BBOX1: variants seen among roughly 807,000 people sequenced by gnomAD.
BBOX1 encodes gamma-butyrobetaine dioxygenase.
Under a neutral mutation model 41.6 loss-of-function variants are expected in BBOX1, and 35 were observed. That is an observed-to-expected ratio of 0.84 (90% CI 0.64 to 1.11). The LOEUF is 1.11. Among genes scored for constraint, BBOX1 ranks in the 50% most tolerant of loss-of-function variants. The probability of loss-of-function intolerance (pLI) is 0.00; values close to 1 mark genes in which losing one functional copy is unlikely to be tolerated. For missense variants in BBOX1, 458 were observed against 460.6 expected (o/e 0.99, Z 0.05); for synonymous variants, 163 against 154.7 (o/e 1.05, Z -0.40).
chr11:27,089,867 C>A (rs1018671069), intron 4 of BBOX1, among the ~76,000 whole-genome samples: 5 of 151,948 alleles, frequency 3.3e-5, no homozygotes, highest in African/African-American at 1.2e-4. Context: ...ACCCAAATGA[C>A]CTTTCTAGTT....
chr11:27,054,935 T>C (rs1360919949), intron 2 of BBOX1, among the ~76,000 whole-genome samples: 1 of 152,226 alleles, frequency 6.6e-6, no homozygotes, highest in African/African-American at 2.4e-5. Context: ...AAAGACGAGT[T>C]TACTAATTTA....
At chr11:27,102,627 T>G (rs1858703120) in intron 5 of BBOX1, among the ~76,000 whole-genome samples, 3 of 152,040 alleles carry the variant, frequency 2.0e-5, no homozygotes, top group Admixed American at 2.0e-4. Context: ...TTTCCTCCCC[T>G]ACAATTTAAC....
At chr11:27,047,366 T>C (rs117017935) in intron 2 of BBOX1, 1,723 of 152,342 alleles carry the variant, frequency 0.011, 19 homozygotes, top group South Asian at 0.025. Flanking sequence ...AACAGCAGTC[T>C]GAAATGTAAT....
chr11:27,121,384 G>T (rs1340686640), intron 7 of BBOX1, among the ~76,000 whole-genome samples: 1 of 152,176 alleles, frequency 6.6e-6, no homozygotes, highest in African/African-American at 2.4e-5. Context: ...GCAAGATCCT[G>T]ATCAAAGGAA....
At chr11:27,080,279 C>T (rs772501640) in intron 4 of BBOX1, among the ~76,000 whole-genome samples, 1 of 152,022 alleles carries the variant, frequency 6.6e-6, no homozygotes, top group African/African-American at 2.4e-5. Flanking sequence ...TATTTTCCTC[C>T]TCTTCTATGT....
chr11:27,064,163 T>C (rs1290579430), intron 4 of BBOX1, among the ~76,000 whole-genome samples: 1 of 152,110 alleles, frequency 6.6e-6, no homozygotes, highest in Non-Finnish European at 1.5e-5. Flanking sequence ...TCACTATTGT[T>C]TGGTAATTAT....
At position 27,108,204 on chromosome 11, in the gene BBOX1, G is replaced by A. The variant is rs190444907; in HGVS notation, c.534-7248G>A. ...GACCCCCATCCCTGTAGAGGCCAGT[G>A]AATGTCAAAGAAAAGATCTGTTCTC... On this transcript the variant is annotated intron_variant, in intron 5 of 8. Coordinates refer to ENST00000263182, the MANE Select transcript of BBOX1 (RefSeq NM_003986.3). Among the ~76,000 whole-genome samples, 6 of 152,182 alleles carry A rather than the reference G, an allele frequency of 3.9e-5. No homozygotes were observed. In the East Asian group the frequency reaches 1.2e-3, roughly 30 times the overall value.
chr11:27,054,889 C>T (rs1279795118), intron 2 of BBOX1, among the ~76,000 whole-genome samples: 1 of 152,156 alleles, frequency 6.6e-6, no homozygotes, highest in African/African-American at 2.4e-5. Context: ...TTACAGTGGT[C>T]TTTAAGTAAA....
chr11:27,125,176 A>G (rs1859607839), intron 7 of BBOX1, among the ~76,000 whole-genome samples: 1 of 152,168 alleles, frequency 6.6e-6, no homozygotes, highest in African/African-American at 2.4e-5. Context: ...TCCCACCTGT[A>G]AACTAAGGAT....
At chr11:27,083,762 G>A (rs72878440) in intron 4 of BBOX1, among the ~76,000 whole-genome samples, 8,048 of 152,206 alleles carry the variant, frequency 0.053, 340 homozygotes, top group Non-Finnish European at 0.077. Context: ...AACAAGAGAA[G>A]TGATCATATC....
Position 27,107,041 on chromosome 11 carries a change from G to A in BBOX1, c.534-8411G>A, listed in dbSNP as rs368887072. Reference sequence around the variant, plus strand: ...AATAAAGATGTTCTTTGAAACCAACGAGAACAAAGACACAACATACTAGAA... The same window carrying A: ...AATAAAGATGTTCTTTGAAACCAACAAGAACAAAGACACAACATACTAGAA... On this transcript the variant is annotated intron_variant, in intron 5 of 8. Coordinates refer to ENST00000263182, the MANE Select transcript of BBOX1 (RefSeq NM_003986.3). Among the ~76,000 whole-genome samples the A allele has an allele frequency of 1.1e-3, 162 of 152,138 alleles. 1 individual carries two copies. The highest frequency in any genetic ancestry group is 5.8e-3 in the South Asian group (28 of 4,810).
intron 7 of BBOX1, among the ~76,000 whole-genome samples, chr11:27,121,827 T>G (rs1214752351): frequency 6.6e-6 from 1 of 152,090 alleles, no homozygotes; most frequent in Non-Finnish European, 1.5e-5. Flanking sequence ...CACAATACGA[T>G]TACAGATTCT....
intron 7 of BBOX1, among the ~76,000 whole-genome samples, chr11:27,125,431 G>A (rs112435954): frequency 4.3e-4 from 65 of 151,856 alleles, no homozygotes; most frequent in African/African-American, 1.5e-3. Flanking sequence ...TTTAAGTTGA[G>A]TTCTCCTGGT....
Position 27,116,386 on chromosome 11 carries a change from T to C in BBOX1, c.639+829T>C, listed in dbSNP as rs189875678. On this transcript the variant is annotated intron_variant, in intron 6 of 8. Coordinates refer to ENST00000263182, the MANE Select transcript of BBOX1 (RefSeq NM_003986.3). ...ATACCTGATGTAGATCACGGGTTGA[T>C]AGATGCAGCAAACCACCATGGCACG... Among the ~76,000 whole-genome samples the C allele has an allele frequency of 2.8e-4, 42 of 151,488 alleles. No individual in the cohort carries two copies. The South Asian group carries it at 7.1e-3, about 26-fold the overall frequency.
At chr11:27,042,591 C>T (rs1157984566) in intron 2 of BBOX1, among the ~76,000 whole-genome samples, 2 of 152,128 alleles carry the variant, frequency 1.3e-5, no homozygotes, top group Non-Finnish European at 2.9e-5. Flanking sequence ...TCAAACAATC[C>T]TTCTGCTCCG....
intron 5 of BBOX1, among the ~76,000 whole-genome samples, chr11:27,100,728 G>T (rs1442697190): frequency 1.3e-5 from 2 of 151,970 alleles, no homozygotes; most frequent in Non-Finnish European, 2.9e-5. Flanking sequence ...TGAGTATGAA[G>T]TCATCTCATG....
intron 2 of BBOX1, among the ~76,000 whole-genome samples, chr11:27,044,587 A>T (rs189609525): frequency 6.6e-6 from 1 of 152,244 alleles, no homozygotes; most frequent in East Asian, 1.9e-4. Flanking sequence ...TAAGTCTTTA[A>T]TCCATCTTTA....
chr11:27,076,700 G>C (rs745531083), intron 4 of BBOX1, among the ~76,000 whole-genome samples: 3 of 152,154 alleles, frequency 2.0e-5, no homozygotes, highest in Non-Finnish European at 2.9e-5. Context: ...GTAGGGGCTG[G>C]GTCAGACAGG....
intron 4 of BBOX1, among the ~76,000 whole-genome samples, chr11:27,080,829 A>T (rs959938530): frequency 1.3e-5 from 2 of 152,190 alleles, no homozygotes; most frequent in Non-Finnish European, 2.9e-5. Context: ...AGAGTTAACT[A>T]GAGATTACAA....
Sources: gnomAD v4.1 joint callset for allele counts (sites outside exome capture counted in the v4.1 genomes callset) on GRCh38, gnomAD v4.1.1 for gene constraint, MANE v1.5 for transcripts, NCBI Gene and HGNC (gene_info 2026-07-23, HGNC 2026-07-21) for gene names.